DGKI: variants seen among roughly 807,000 people sequenced by gnomAD.
The protein encoded by DGKI is DAG kinase iota.
Under a neutral mutation model 147.5 loss-of-function variants are expected in DGKI, and 55 were observed. The ratio of observed to expected loss-of-function variants is 0.37; its 90% CI spans 0.30 to 0.47. DGKI has a LOEUF of 0.47. Ranked by LOEUF, DGKI falls within the 20% of genes least tolerant of loss-of-function variation. The pLI is 1.00. For missense variants in DGKI, 1,007 were observed against 1,323.8 expected (o/e 0.76, Z 3.71); for synonymous variants, 469 against 477.1 (o/e 0.98, Z 0.22).
At chr7:137,571,081 A>G in intron 19 of DGKI, 94 bp downstream of exon 19, 1 of 853,656 alleles carries the variant, frequency 1.2e-6, no homozygotes. Context: ...GTAACTTGAT[A>G]AAGCAGGAGA....
intron 20 of DGKI, among the ~76,000 whole-genome samples, chr7:137,540,044 C>T (rs10279489): frequency 0.06 from 9,125 of 152,130 alleles, 677 homozygotes; most frequent in African/African-American, 0.18. Context: ...AACTCATTCA[C>T]GGTGAAATAG....
chr7:137,775,957 C>T (rs1055881316), intron 1 of DGKI, among the ~76,000 whole-genome samples: 1 of 151,916 alleles, frequency 6.6e-6, no homozygotes, highest in Non-Finnish European at 1.5e-5. Flanking sequence ...CTCCTGGGTT[C>T]AAGCGATTCT....
At chr7:137,768,775 G>A (rs556458308) in intron 1 of DGKI, among the ~76,000 whole-genome samples, 24 of 152,136 alleles carry the variant, frequency 1.6e-4, no homozygotes, top group African/African-American at 5.3e-4. Context: ...TCACACTCAG[G>A]GACAAAATAA....
chr7:137,413,098 C>T (rs752525786), intron 28 of DGKI, among the ~76,000 whole-genome samples: 6 of 151,750 alleles, frequency 4.0e-5, no homozygotes, highest in Non-Finnish European at 7.4e-5. Context: ...GGTGAGACCC[C>T]GTCTCTACCA....
At chr7:137,466,183 T>A in intron 25 of DGKI, 148 bp from the exon 26 acceptor site, 1 of 938,118 alleles carries the variant, frequency 1.1e-6, no homozygotes, top group Non-Finnish European at 1.6e-6. Context: ...AAAGCTGCGC[T>A]AACGCAGACA....
chr7:137,536,097 A>G (rs1817510361), intron 20 of DGKI, among the ~76,000 whole-genome samples: 1 of 152,174 alleles, frequency 6.6e-6, no homozygotes, highest in Non-Finnish European at 1.5e-5. Context: ...ATATAATATG[A>G]TTGGATTAAA....
In DGKI at chr7:137,472,320, T is replaced by TATAATATGTATATACATA. The variant is rs57953468; in HGVS notation, c.2374-2702_2374-2701insTATGTATATACATATTAT. On this transcript the variant is annotated intron_variant, in intron 23 of 32. Coordinates refer to ENST00000614521, the MANE Select transcript of DGKI (RefSeq NM_001321708.2). ...TATATTTATGTGTATATACATATAA[T>TATAATATGTATATACATA]TATTATATGTATATATACATATAAT... Among the ~76,000 whole-genome samples, 67 of 12,306 alleles carry TATAATATGTATATACATA rather than the reference T, an allele frequency of 5.4e-3. 16 individuals are homozygous for TATAATATGTATATACATA. Among genetic ancestry groups the TATAATATGTATATACATA allele is most frequent in the African/African-American group, 8.5e-3 (49 of 5,746 alleles). 8.1% of individuals were successfully genotyped at this position (12,306 alleles called of 152,430 possible). A position where few individuals can be genotyped will look rare whatever the true frequency, so the allele number is the denominator to read the frequency against.
intron 3 of DGKI, among the ~76,000 whole-genome samples, chr7:137,676,509 T>A (rs1296527642): frequency 6.6e-6 from 1 of 152,176 alleles, no homozygotes; most frequent in African/African-American, 2.4e-5. Flanking sequence ...GTAAAGAAAC[T>A]GAGCTTCAAG....
At chr7:137,664,793 C>T (rs1051912552) in intron 3 of DGKI, among the ~76,000 whole-genome samples, 1 of 151,788 alleles carries the variant, frequency 6.6e-6, no homozygotes, top group African/African-American at 2.4e-5. Flanking sequence ...GAGAGACAGA[C>T]AACAAACAAG....
chr7:137,457,568 T>C (rs557415298), intron 27 of DGKI, among the ~76,000 whole-genome samples: 1 of 152,328 alleles, frequency 6.6e-6, no homozygotes, highest in East Asian at 1.9e-4. Context: ...TCTCCGGGCT[T>C]TATCTTCTCG....
At chr7:137,699,701 G>T (rs2116503914) in intron 1 of DGKI, among the ~76,000 whole-genome samples, 1 of 152,248 alleles carries the variant, frequency 6.6e-6, no homozygotes, top group South Asian at 2.1e-4. Context: ...TTTCCACAGG[G>T]CTGTTCCCAG....
chr7:137,440,191 C>G (rs1035851187), intron 28 of DGKI, among the ~76,000 whole-genome samples: 8 of 152,220 alleles, frequency 5.3e-5, no homozygotes, highest in African/African-American at 1.9e-4. Flanking sequence ...TGCAATCAAT[C>G]ACTGCCAAGC....
Position 137,432,995 on chromosome 7 carries a change from G to GT in DGKI, c.2761+11081_2761+11082insA, listed in dbSNP as rs534956421. Among the ~76,000 whole-genome samples the GT allele has an allele frequency of 2.5e-3, 380 of 152,296 alleles. 4 individuals are homozygous for GT. Among genetic ancestry groups the GT allele is most frequent in the African/African-American group, 8.7e-3 (362 of 41,548 alleles). Reference sequence around the variant, plus strand: ...ATTATGTGAAGTTGTGCTTGCTTGGGAATGGATGTTACAGGATGCTAAGAA... The same window carrying GT: ...ATTATGTGAAGTTGTGCTTGCTTGGGTAATGGATGTTACAGGATGCTAAGAA... On this transcript the variant is annotated intron_variant, in intron 28 of 32. Transcript: ENST00000614521.
Position 137,576,058 on chromosome 7 carries a change from A to G in DGKI, c.1761+1164T>C, listed in dbSNP as rs1329311309. 4.7e-5 allele frequency among the ~76,000 whole-genome samples: 4 copies of G among 85,690 alleles called. No individual in the cohort carries two copies. In the Admixed American group the frequency reaches 5.0e-4, roughly 11 times the overall value. 56.2% of individuals were successfully genotyped at this position (85,690 alleles called of 152,430 possible). ...TTTTCTTTTTCTTTTTTTTTTTTTT[A>G]GACGGAGTGTTGCTCTGTCGCCCAG... On this transcript the variant is annotated intron_variant, in intron 17 of 32. Transcript: ENST00000614521.
chr7:137,410,890 T>A (rs1812137352), intron 29 of DGKI, among the ~76,000 whole-genome samples: 1 of 152,214 alleles, frequency 6.6e-6, no homozygotes, highest in Non-Finnish European at 1.5e-5. Flanking sequence ...TGGAGAGCAC[T>A]CTTCTCTTCT....
intron 5 of DGKI, among the ~76,000 whole-genome samples, chr7:137,652,429 G>A (rs540376323): frequency 4.7e-4 from 72 of 152,280 alleles, no homozygotes; most frequent in African/African-American, 1.7e-3. Flanking sequence ...CTAAAGGTGG[G>A]TATATGAATC....
intron 20 of DGKI, among the ~76,000 whole-genome samples, chr7:137,547,676 T>G (rs939878279): frequency 5.9e-5 from 9 of 152,148 alleles, no homozygotes; most frequent in African/African-American, 2.2e-4. Context: ...TGACAGACAC[T>G]GAGGATCCTA....
intron 6 of DGKI, among the ~76,000 whole-genome samples, chr7:137,644,651 T>A (rs979000052): frequency 2.0e-5 from 3 of 152,214 alleles, no homozygotes; most frequent in African/African-American, 7.2e-5. Context: ...CCCCAAATTA[T>A]CTTGCTGTCT....
chr7:137,441,315 G>A lies in DGKI; in HGVS notation c.2761+2762C>T, dbSNP rs543290678. Among the ~76,000 whole-genome samples, 5 of 151,896 alleles carry A rather than the reference G, an allele frequency of 3.3e-5. No individual in the cohort carries two copies. In the East Asian group the frequency reaches 9.7e-4, roughly 29 times the overall value. The stretch of plus-strand genomic sequence containing the variant: ...GGCCGCCTGTAGTCCCAGCTACTTG[G>A]GAGGCTGAGGCAGGAGAATGGTGTG... On this transcript the variant is annotated intron_variant, in intron 28 of 32. Coordinates refer to ENST00000614521, the MANE Select transcript of DGKI (RefSeq NM_001321708.2).
Sources: allele counts gnomAD v4.1 joint callset (sites outside exome capture counted in the v4.1 genomes callset), GRCh38; gene constraint gnomAD v4.1.1; transcripts MANE v1.5; gene names NCBI Gene and HGNC (gene_info 2026-07-23, HGNC 2026-07-21).